Variants in TCF20 observed in about 807,000 individuals in gnomAD.
TCF20 encodes transcription factor 20, also known as SPRE-binding protein.
A neutral mutation model predicts 148.6 loss-of-function variants in TCF20; 3 were observed. The ratio of observed to expected loss-of-function variants is 0.02; its 90% confidence interval spans 0.01 to 0.05. TCF20 has a LOEUF of 0.05. Ranked by LOEUF, TCF20 falls within the 10% of genes least tolerant of loss-of-function variation. The pLI, the probability that TCF20 is intolerant of heterozygous loss-of-function variation, is 1.00. For synonymous variants in TCF20, 1,049 were observed against 909.5 expected, an observed-to-expected ratio of 1.15 and a Z score of -2.76; for missense variants, 2,350 against 2,429.3, an observed-to-expected ratio of 0.97 and a Z score of 0.69.
Position 42,213,017 on chromosome 22 carries a change from G to C in TCF20, c.2289C>G (p.His763Gln). ...LQEVLQGYHH[H>Q]PDRRYSRSTQ... ...TACTCCTAGAATATCTCCTGTCAGG[G>C]TGGTGGTGGTAACCCTGAAGCACTT... Residue 763 changes from histidine to glutamine, a missense_variant, in exon 2 of 6, where the codon CAC becomes CAG. Coordinates refer to ENST00000677622, the MANE Select transcript of TCF20 (RefSeq NM_001378418.1). The C allele has an allele frequency of 6.2e-7, 1 of 1,614,122 alleles. No individual in the cohort carries two copies. Among genetic ancestry groups the C allele is most frequent in the Non-Finnish European group, 8.5e-7 (1 of 1,179,996 alleles).
chr22:42,266,967 A>G (rs182862685), intron 1 of TCF20, among the ~76,000 whole-genome samples: 114 of 151,470 alleles, frequency 7.5e-4, no homozygotes, highest in East Asian at 7.2e-3. Context: ...TGTGAGCATG[A>G]TAACTGCTTA....
intron 1 of TCF20, among the ~76,000 whole-genome samples, chr22:42,282,481 C>T (rs892044326): frequency 2.6e-5 from 4 of 152,242 alleles, no homozygotes; most frequent in African/African-American, 9.6e-5. Context: ...AGCTGTTTGC[C>T]AACCTCCAGG....
intron 1 of TCF20, among the ~76,000 whole-genome samples, chr22:42,232,692 G>A (rs565978825): frequency 9.9e-5 from 15 of 151,694 alleles, no homozygotes; most frequent in East Asian, 3.9e-4. Context: ...TTAGCACGGC[G>A]TGGTGGCGGG....
intron 1 of TCF20, among the ~76,000 whole-genome samples, chr22:42,229,884 T>A (rs778635612): frequency 1.3e-5 from 2 of 152,146 alleles, no homozygotes; most frequent in Non-Finnish European, 2.9e-5. Context: ...ATGAATGCCT[T>A]ATCTCCCCAG....
At chr22:42,311,626 C>T (rs1044897701) in intron 1 of TCF20, among the ~76,000 whole-genome samples, 3 of 152,156 alleles carry the variant, frequency 2.0e-5, no homozygotes, top group African/African-American at 7.2e-5. Flanking sequence ...CATGCAGACC[C>T]CAGGCCTGGC....
Position 42,338,299 on chromosome 22 carries a change from G to A in TCF20, c.-37+5180C>T, listed in dbSNP as rs968604208. On this transcript the variant is annotated intron_variant, in intron 1 of 1. Coordinates refer to the TCF20 transcript ENST00000515426. This position sits in a 1 kb window ranked among gnomAD's most constrained non-coding sequence, Gnocchi z 4.0. The stretch of plus-strand genomic sequence containing the variant: ...TCTGAATGGAGGTCGGCTGCACAGA[G>A]GAAACTACACGTGCTGGGTGTGTAA... Among the ~76,000 whole-genome samples, 1 of 152,244 alleles carries A rather than the reference G, an allele frequency of 6.6e-6. No individual in the cohort carries two copies. Among genetic ancestry groups the A allele is most frequent in the Non-Finnish European group, 1.5e-5 (1 of 68,040 alleles).
At position 42,279,223 on chromosome 22, in the gene TCF20, G is replaced by A. The variant is rs1926847771; in HGVS notation, c.-37+4604C>T. Among the ~76,000 whole-genome samples the A allele has an allele frequency of 6.6e-6, 1 of 152,120 alleles. No individual in the cohort carries two copies. Among genetic ancestry groups the A allele is most frequent in the African/African-American group, 2.4e-5 (1 of 41,422 alleles). On this transcript the variant is annotated intron_variant, in intron 1 of 5. Transcript: ENST00000359486. This position sits in a 1 kb window ranked among gnomAD's most constrained non-coding sequence, Gnocchi z 4.3. ...AGGTGGGTGTGAAAAAGAAAGGAAG[G>A]GCCAGGTGCAGTGGCTCATACCTGT...
chr22:42,238,835 A>G (rs1270498312), intron 1 of TCF20, among the ~76,000 whole-genome samples: 2 of 152,206 alleles, frequency 1.3e-5, no homozygotes, highest in Non-Finnish European at 2.9e-5. Flanking sequence ...AAGTAACATC[A>G]GGCCGGGCGC....
chr22:42,321,510 C>T (rs1175156794), intron 1 of TCF20, among the ~76,000 whole-genome samples: 4 of 150,352 alleles, frequency 2.7e-5, no homozygotes, highest in Non-Finnish European at 4.5e-5. Context: ...GGCTCTTGTC[C>T]TCTCTTCAAC....
chr22:42,218,689 T>C (rs1378140536), intron 1 of TCF20, among the ~76,000 whole-genome samples: 3 of 152,224 alleles, frequency 2.0e-5, no homozygotes, highest in Admixed American at 1.3e-4. Context: ...TGTTGCCACT[T>C]GCTCCATATT....
At position 42,296,812 on chromosome 22, in the gene TCF20, G is replaced by A. The variant is rs563678555; in HGVS notation, c.-37+46667C>T. Among the ~76,000 whole-genome samples, 17 of 152,324 alleles carry A rather than the reference G, an allele frequency of 1.1e-4. No individual in the cohort carries two copies. In the East Asian group the frequency reaches 2.7e-3, roughly 24 times the overall value. The stretch of plus-strand genomic sequence containing the variant: ...GCTGCAGGGGGACCCAGGAGGCCCC[G>A]TCGCCATTTATTCAGCTCAGCTTTT... On this transcript the variant is annotated intron_variant, in intron 1 of 1. Coordinates refer to the TCF20 transcript ENST00000515426.
chr22:42,262,300 T>C (rs567053668), intron 1 of TCF20, among the ~76,000 whole-genome samples: 1 of 152,106 alleles, frequency 6.6e-6, no homozygotes, highest in South Asian at 2.1e-4. Context: ...GTAGTGGCAG[T>C]ACAGATGAAA....
At chr22:42,246,771 G>A (rs1924945371) in intron 1 of TCF20, among the ~76,000 whole-genome samples, 1 of 151,930 alleles carries the variant, frequency 6.6e-6, no homozygotes, top group Non-Finnish European at 1.5e-5. Context: ...TTTGAGACCA[G>A]CCTGGCCAAC....
At chr22:42,264,192 C>T (rs1926162798) in intron 1 of TCF20, among the ~76,000 whole-genome samples, 1 of 150,882 alleles carries the variant, frequency 6.6e-6, no homozygotes, top group African/African-American at 2.4e-5. Flanking sequence ...TTGACATCCC[C>T]ACCCCCCTAC....
intron 2 of TCF20, among the ~76,000 whole-genome samples, chr22:42,187,965 C>A (rs1308293552): frequency 6.6e-6 from 1 of 152,100 alleles, no homozygotes; most frequent in Non-Finnish European, 1.5e-5. Flanking sequence ...GATTCTGTCA[C>A]ATACCTCTTT....
intron 1 of TCF20, among the ~76,000 whole-genome samples, chr22:42,265,963 G>A (rs1926264627): frequency 6.6e-6 from 1 of 152,070 alleles, no homozygotes; most frequent in African/African-American, 2.4e-5. Context: ...GACCAAGTAT[G>A]GGCAAGGTAA....
chr22:42,236,129 T>A (rs1449421041), intron 1 of TCF20, among the ~76,000 whole-genome samples: 1 of 150,100 alleles, frequency 6.7e-6, no homozygotes, highest in Non-Finnish European at 1.5e-5. Flanking sequence ...TGAGCCGAGA[T>A]CTCACCACTG....
intron 1 of TCF20, among the ~76,000 whole-genome samples, chr22:42,311,394 A>G (rs1182290342): frequency 1.3e-5 from 2 of 152,194 alleles, no homozygotes; most frequent in South Asian, 2.1e-4. Flanking sequence ...GTTTCCTCAT[A>G]AGAGAAACGA....
In TCF20 at chr22:42,171,691, A is replaced by T. The variant is rs1465099391; in HGVS notation, c.5750-1795T>A. 2.0e-5 allele frequency among the ~76,000 whole-genome samples: 3 copies of T among 152,216 alleles called. No individual in the cohort carries two copies. The East Asian group carries it at 5.8e-4, about 29-fold the overall frequency. On this transcript the variant is annotated intron_variant, in intron 3 of 5. Coordinates refer to ENST00000677622, the MANE Select transcript of TCF20 (RefSeq NM_001378418.1). ...CTCCCGCTGCTCCAATCTGCCAGAG[A>T]GTTTATAAACAGCAGGAGCCAGACA...
Sources: gnomAD v4.1 joint callset for allele counts (sites outside exome capture counted in the v4.1 genomes callset) on GRCh38, gnomAD v4.1.1 for gene constraint, Gnocchi (gnomAD v3.1) non-coding constraint, MANE v1.5 for transcripts, NCBI Gene and HGNC (gene_info 2026-07-23, HGNC 2026-07-21) for gene names.